The following ADAM17 variants were observed in gnomAD, a reference collection of about 807,000 sequenced individuals.
ADAM17 encodes the protein ADAM metallopeptidase domain 17.
In ADAM17, 39 loss-of-function variants were observed where a neutral mutation model predicts 96.7. That is an observed-to-expected ratio of 0.40 (90% CI 0.31 to 0.53). The LOEUF (loss-of-function observed/expected upper bound fraction) is 0.53, where lower values mean the gene tolerates loss of function less well. Ranked by LOEUF, ADAM17 falls within the 20% of genes least tolerant of loss-of-function variation. The pLI is 0.44. For missense variants in ADAM17, 777 were observed against 1,013.2 expected (o/e 0.77, Z 3.17); for synonymous variants, 344 against 359.2 (o/e 0.96, Z 0.48).
At chr2:9,539,298 G>A (rs757487102) in intron 2 of ADAM17, among the ~76,000 whole-genome samples, 8 of 151,852 alleles carry the variant, frequency 5.3e-5, no homozygotes, top group Non-Finnish European at 1.0e-4. Context: ...TAGTAGAGAC[G>A]GGGTTTCACC....
chr2:9,531,092 G>C (rs972661093), intron 4 of ADAM17, among the ~76,000 whole-genome samples: 4 of 152,038 alleles, frequency 2.6e-5, no homozygotes, highest in African/African-American at 9.7e-5. Context: ...CGAGCAGTTG[G>C]GATTACGGGC....
intron 4 of ADAM17, 81 bp downstream of exon 4, chr2:9,535,753 C>T: frequency 3.6e-6 from 3 of 836,522 alleles, no homozygotes; most frequent in Non-Finnish European, 5.5e-6. Flanking sequence ...AGTATAATTA[C>T]TTTTCACCTT....
intron 11 of ADAM17, among the ~76,000 whole-genome samples, chr2:9,509,481 T>C (rs576081600): frequency 6.6e-5 from 10 of 152,156 alleles, no homozygotes; most frequent in Non-Finnish European, 1.3e-4. Flanking sequence ...TACTAGGCAC[T>C]GGAGATAGAG....
At chr2:9,551,067 T>C (rs888482150) in intron 1 of ADAM17, among the ~76,000 whole-genome samples, 2 of 148,714 alleles carry the variant, frequency 1.3e-5, no homozygotes, top group African/African-American at 2.6e-5. Context: ...AGTGAGACTC[T>C]GTCTCAAAAA....
intron 11 of ADAM17, chr2:9,505,673 A>G: frequency 2.8e-6 from 1 of 356,162 alleles, no homozygotes; most frequent in South Asian, 2.6e-5. Flanking sequence ...AAGGACAAGC[A>G]GAATAGCACA....
intron 1 of ADAM17, among the ~76,000 whole-genome samples, chr2:9,548,065 T>C (rs1206368733): frequency 9.8e-5 from 14 of 143,104 alleles, no homozygotes; most frequent in Admixed American, 9.1e-4. Context: ...AGATCCTGTC[T>C]CAAAATCCAA....
chr2:9,494,730 A>C lies in ADAM17; in HGVS notation c.1821T>G (p.Leu607=). 1 of 1,614,166 alleles carries C rather than the reference A, an allele frequency of 6.2e-7. No homozygotes were observed. The highest frequency in any genetic ancestry group is 8.5e-7 in the Non-Finnish European group (1 of 1,179,996). Residue 607 remains leucine (L), a synonymous_variant, in exon 15 of 19, where the codon CTT becomes CTG. Transcript: ENST00000310823. The part of the protein sequence containing the change: ...DNSCKVCCRD[L]SGRCVPYVDA... ...CGACATAGGGCACACAGCGGCCAGA[A>C]AGGTCCCTGCAGCACACCTTGCAGG...
chr2:9,529,271 G>C (rs1175831937), intron 4 of ADAM17, among the ~76,000 whole-genome samples: 1 of 152,062 alleles, frequency 6.6e-6, no homozygotes, highest in Non-Finnish European at 1.5e-5. Flanking sequence ...CCAACATAGT[G>C]AAACCCCGAC....
chr2:9,499,558 C>T (rs572639846), intron 13 of ADAM17, among the ~76,000 whole-genome samples: 35 of 152,160 alleles, frequency 2.3e-4, no homozygotes, highest in African/African-American at 7.7e-4. Flanking sequence ...CCCGCCACCA[C>T]GCCCAGCTAA....
intron 4 of ADAM17, among the ~76,000 whole-genome samples, chr2:9,528,169 T>C (rs1469246522): frequency 5.3e-5 from 8 of 152,248 alleles, no homozygotes; most frequent in Non-Finnish European, 1.2e-4. Flanking sequence ...CTGATTATTT[T>C]ATCTGTATAT....
At chr2:9,498,806 T>C (rs1370175476) in intron 13 of ADAM17, among the ~76,000 whole-genome samples, 7 of 152,254 alleles carry the variant, frequency 4.6e-5, no homozygotes, top group African/African-American at 1.7e-4. Context: ...ACTGCCCTGA[T>C]ACATTAAAAA....
chr2:9,510,335 A>C (rs1223078746), intron 10 of ADAM17, among the ~76,000 whole-genome samples: 1 of 152,170 alleles, frequency 6.6e-6, no homozygotes, highest in East Asian at 1.9e-4. Context: ...CCTGGGTAAC[A>C]CAGGGAGACC....
At chr2:9,546,715 CTTTTT>C (rs59009659) in intron 1 of ADAM17, among the ~76,000 whole-genome samples, 1 of 137,828 alleles carries the variant, frequency 7.3e-6, no homozygotes, top group African/African-American at 2.8e-5. Flanking sequence ...TGGCCATATT[CTTTTT>C]TTTTTTTTGA....
chr2:9,532,638 A>ATTTT (rs70948827), intron 4 of ADAM17, among the ~76,000 whole-genome samples: 188 of 114,214 alleles, frequency 1.6e-3, no homozygotes, highest in African/African-American at 5.5e-3. Flanking sequence ...TGCCCAGCTA[A>ATTTT]TTTTTTTTTT....
Position 9,489,723 on chromosome 2 carries a change from GGCAAA to G in ADAM17, c.*449_*453del, listed in dbSNP as rs1661936227. ...TTTATCTCCTTTGTTTTTAGTTGAA[GGCAAA>G]AAAAAAAAAAAAAAAAAAAAACTAT... On this transcript the variant is annotated 3_prime_UTR_variant, in exon 19 of 19. Transcript: ENST00000310823. 1 of 82,260 alleles carries G rather than the reference GGCAAA, an allele frequency of 1.2e-5. No individual in the cohort carries two copies. Among genetic ancestry groups the G allele is most frequent in the Non-Finnish European group, 2.3e-5 (1 of 43,514 alleles). 5.1% of individuals were successfully genotyped at this position (82,260 alleles called of 1,614,324 possible).
intron 2 of ADAM17, among the ~76,000 whole-genome samples, chr2:9,537,379 T>C (rs1178174220): frequency 6.6e-6 from 1 of 152,164 alleles, no homozygotes; most frequent in Non-Finnish European, 1.5e-5. Context: ...TCAAGCTGGG[T>C]GGACTATGAG....
chr2:9,537,224 A>G (rs1189372993), intron 2 of ADAM17, among the ~76,000 whole-genome samples: 1 of 152,214 alleles, frequency 6.6e-6, no homozygotes, highest in Non-Finnish European at 1.5e-5. Flanking sequence ...GGTGTTAGGT[A>G]CTATGCATCT....
chr2:9,512,994 T>C (rs1408139647), intron 10 of ADAM17, among the ~76,000 whole-genome samples: 1 of 152,008 alleles, frequency 6.6e-6, no homozygotes, highest in East Asian at 1.9e-4. Flanking sequence ...TATTTCTTTG[T>C]ATCCTTTCTT....
intron 1 of ADAM17, among the ~76,000 whole-genome samples, chr2:9,547,459 T>C (rs996396579): frequency 6.6e-6 from 1 of 151,714 alleles, no homozygotes; most frequent in Non-Finnish European, 1.5e-5. Context: ...GCCTGCTGAG[T>C]CAAAGATGTT....
Sources: gnomAD v4.1 joint callset for allele counts (sites outside exome capture counted in the v4.1 genomes callset) on GRCh38, gnomAD v4.1.1 for gene constraint, MANE v1.5 for transcripts, NCBI Gene and HGNC (gene_info 2026-07-23, HGNC 2026-07-21) for gene names.